MCU: variants seen among roughly 807,000 people sequenced by gnomAD.
The protein encoded by MCU is mitochondrial calcium uniporter.
MCU carries 12 observed loss-of-function variants against 45.2 expected under a neutral mutation model. The ratio of observed to expected loss-of-function variants is 0.27; its 90% CI spans 0.17 to 0.43. MCU has a LOEUF of 0.43. MCU is among the 20% of genes least tolerant of loss of function. The probability of loss-of-function intolerance (pLI) is 1.00; values close to 1 mark genes in which losing one functional copy is unlikely to be tolerated. For missense variants in MCU, 324 were observed against 436.7 expected (o/e 0.74, Z 2.30); for synonymous variants, 160 against 165.1 (o/e 0.97, Z 0.24).
In MCU at chr10:72,713,434, C is replaced by A. The variant is rs529670093; in HGVS notation, c.150+21133C>A. On this transcript the variant is annotated intron_variant, in intron 1 of 7. Coordinates refer to ENST00000373053, the MANE Select transcript of MCU (RefSeq NM_138357.3). Reference sequence around the variant, plus strand: ...AGCTGGGATTACAGGTGCCTGCCACCAGGCCCGGCTAGTTTTAGTATTTTT... The same window carrying A: ...AGCTGGGATTACAGGTGCCTGCCACAAGGCCCGGCTAGTTTTAGTATTTTT... 2.6e-5 allele frequency among the ~76,000 whole-genome samples: 4 copies of A among 152,312 alleles called. No homozygotes were observed. The East Asian group carries it at 7.7e-4, about 29-fold the overall frequency.
intron 7 of MCU, 149 bp downstream of exon 7, chr10:72,884,531 A>G (rs190521601): frequency 5.3e-6 from 3 of 568,934 alleles, no homozygotes; most frequent in East Asian, 5.5e-5. Flanking sequence ...TGATTACAGT[A>G]ACTATTTTAG....
intron 1 of MCU, among the ~76,000 whole-genome samples, chr10:72,780,511 A>AGTGT (rs60306247): frequency 0.033 from 3,606 of 110,632 alleles, 130 homozygotes; most frequent in African/African-American, 0.06. Flanking sequence ...TCTTTGGCTA[A>AGTGT]GTGTGTGTGT....
At position 72,813,450 on chromosome 10, in the gene MCU, CTTTTTTTT is replaced by C. The variant is rs71021537; in HGVS notation, c.151-20890_151-20883del. Among the ~76,000 whole-genome samples, 34 of 76,220 alleles carry C rather than the reference CTTTTTTTT, an allele frequency of 4.5e-4. 2 individuals carry two copies. In the South Asian group the frequency reaches 0.014, roughly 32 times the overall value. The allele number at this position is 76,220 out of a possible 152,430, so 50.0% of individuals were successfully genotyped here. The stretch of plus-strand genomic sequence containing the variant: ...CTGTTAATTTAAATACCAGCTCTCT[CTTTTTTTT>C]TTTTTTTTTTTTTTTTTTGAGATGG... On this transcript the variant is annotated intron_variant, in intron 1 of 7. Coordinates refer to ENST00000373053, the MANE Select transcript of MCU (RefSeq NM_138357.3).
chr10:72,696,616 A>G (rs1249612896), intron 1 of MCU, among the ~76,000 whole-genome samples: 4 of 152,040 alleles, frequency 2.6e-5, no homozygotes, highest in Admixed American at 6.6e-5. Context: ...TAAATGTTTT[A>G]TTTGTGGGCA....
Position 72,871,471 on chromosome 10 carries a change from C to T in MCU, c.752C>T (p.Ala251Val). The change falls in exon 6 of 8, where the codon GCC becomes GTC. Residue 251 changes from alanine (A) to valine (V), a missense_variant. Coordinates refer to ENST00000373053, the MANE Select transcript of MCU (RefSeq NM_138357.3). Reference sequence around the variant, plus strand: ...ATGGCCACACAGTTTGGCATTTTGGCCCGGCTTACCTGGTGGGAATATTCC... The same window carrying T: ...ATGGCCACACAGTTTGGCATTTTGGTCCGGCTTACCTGGTGGGAATATTCC... ...AYMATQFGILARLTWWEYSWD... is the reference protein window; with the variant it reads ...AYMATQFGILVRLTWWEYSWD... 6.2e-7 allele frequency: 1 copy of T among 1,614,168 alleles called. No individual in the cohort carries two copies. The highest frequency in any genetic ancestry group is 8.5e-7 in the Non-Finnish European group (1 of 1,180,020).
At chr10:72,733,761 T>C (rs968917675) in intron 1 of MCU, among the ~76,000 whole-genome samples, 1 of 150,932 alleles carries the variant, frequency 6.6e-6, no homozygotes, top group African/African-American at 2.4e-5. Flanking sequence ...ATCTACTCAG[T>C]CTTGACAAGC....
intron 1 of MCU, among the ~76,000 whole-genome samples, chr10:72,739,890 G>T (rs1050322195): frequency 1.6e-4 from 25 of 151,610 alleles, no homozygotes; most frequent in African/African-American, 5.8e-4. Context: ...TTTGCCAGCT[G>T]GTCTTGAACT....
intron 1 of MCU, among the ~76,000 whole-genome samples, chr10:72,731,860 TTGAG>T (rs1007901154): frequency 3.7e-4 from 56 of 152,200 alleles, no homozygotes; most frequent in Non-Finnish European, 5.6e-4. Context: ...TTATAGACAT[TTGAG>T]TTTTTGTTTT....
At chr10:72,818,626 G>C (rs778506089) in intron 1 of MCU, among the ~76,000 whole-genome samples, 1 of 152,118 alleles carries the variant, frequency 6.6e-6, no homozygotes, top group Non-Finnish European at 1.5e-5. Context: ...GATCACCTGA[G>C]GTCAGGAGTT....
Position 72,880,479 on chromosome 10 carries a change from G to T in MCU, c.862-3787G>T, listed in dbSNP as rs2394932. On this transcript the variant is annotated intron_variant, in intron 6 of 7. Transcript: ENST00000373053. The stretch of plus-strand genomic sequence containing the variant: ...ATAGACCACACGTAGAAGGCAAAGC[G>T]GGGGGGGGGAAACCCTAGAAATATA... Among the ~76,000 whole-genome samples, 863 of 85,952 alleles carry T rather than the reference G, an allele frequency of 0.01. 6 individuals are homozygous for T. The African/African-American group carries it at 0.17, about 17-fold the overall frequency. 56.4% of individuals were successfully genotyped at this position (85,952 alleles called of 152,430 possible).
rs1353310540 is a variant in MCU at position 72,692,301 on chromosome 10, G to A, written c.150G>A (p.Thr50=). ...ACCGGCAGCAGCAGCACCACCGGAC[G>A]GTGAGCGAGCGCGCCCGGAGGCTCC... ...SRHRQQQHHR[T]VHQRIASWQN... Residue 50 remains threonine, a splice_region_variant and synonymous_variant, in exon 1 of 8, where the codon ACG becomes ACA. Coordinates refer to ENST00000373053, the MANE Select transcript of MCU (RefSeq NM_138357.3). 8.2e-7 allele frequency: 1 copy of A among 1,217,358 alleles called. No individual in the cohort carries two copies. The highest frequency in any genetic ancestry group is 1.6e-5 in the African/African-American group (1 of 63,594). 75.4% of individuals were successfully genotyped at this position (1,217,358 alleles called of 1,614,324 possible).
rs183370910 is a variant in MCU at position 72,733,988 on chromosome 10, A to G, written c.150+41687A>G. On this transcript the variant is annotated intron_variant, in intron 1 of 7. Transcript: ENST00000373053. ...AGCTTTAAAGGGAATGTGGTCCAAG[A>G]AGGAAAGAAAAACTCCTCAGAGTAA... is the stretch of plus-strand genomic sequence containing the variant. Among the ~76,000 whole-genome samples, 490 of 152,266 alleles carry G rather than the reference A, an allele frequency of 3.2e-3. 1 individual carries two copies. The highest frequency in any genetic ancestry group is 4.6e-3 in the Non-Finnish European group (311 of 68,022).
chr10:72,717,349 T>C (rs1842967457), intron 1 of MCU, among the ~76,000 whole-genome samples: 1 of 151,746 alleles, frequency 6.6e-6, no homozygotes, highest in African/African-American at 2.4e-5. Flanking sequence ...AACCTCTACC[T>C]CCCGAGTTCA....
chr10:72,872,360 C>T (rs1465634888), intron 6 of MCU, among the ~76,000 whole-genome samples: 1 of 151,968 alleles, frequency 6.6e-6, no homozygotes, highest in Non-Finnish European at 1.5e-5. Context: ...TCCTATCTAA[C>T]TGTAATTTTG....
In MCU at chr10:72,868,874, C is replaced by T. The variant is rs1845498541; in HGVS notation, c.657+11C>T. On this transcript the variant is annotated intron_variant, in intron 5 of 7. Transcript: ENST00000373053. ...GCTCCCCTGGAAAAGGTAAAACTTC[C>T]AATCTCAGGTTTTTTACCTTAACCT... 1 of 1,610,838 alleles carries T rather than the reference C, an allele frequency of 6.2e-7. No individual in the cohort carries two copies. Among genetic ancestry groups the T allele is most frequent in the Non-Finnish European group, 8.5e-7 (1 of 1,179,038 alleles).
chr10:72,711,340 C>G (rs914065142), intron 1 of MCU, among the ~76,000 whole-genome samples: 3 of 151,428 alleles, frequency 2.0e-5, no homozygotes, highest in Admixed American at 2.0e-4. Flanking sequence ...CCTGCCTCAG[C>G]CTCCTGAGTA....
intron 1 of MCU, among the ~76,000 whole-genome samples, chr10:72,711,473 G>A (rs1297077850): frequency 3.3e-5 from 5 of 151,038 alleles, no homozygotes; most frequent in African/African-American, 4.9e-5. Flanking sequence ...TGCCTGCCTC[G>A]GCCTTCCAAA....
At position 72,701,590 on chromosome 10, in the gene MCU, G is replaced by A. The variant is rs1204450782; in HGVS notation, c.150+9289G>A. On this transcript the variant is annotated intron_variant, in intron 1 of 7. Transcript: ENST00000373053. ...CGCCCAGGCTGGAGTGCAGTGGTGCGATCTCGGCTCACTGCAAGCTCCGCC... is the reference window on the plus strand; with the variant it reads ...CGCCCAGGCTGGAGTGCAGTGGTGCAATCTCGGCTCACTGCAAGCTCCGCC... Among the ~76,000 whole-genome samples the A allele has an allele frequency of 2.0e-5, 3 of 151,978 alleles. 1 individual carries two copies. The highest frequency in any genetic ancestry group is 2.1e-4 in the South Asian group (1 of 4,822).
At chr10:72,830,204 G>T (rs999104423) in intron 1 of MCU, among the ~76,000 whole-genome samples, 1 of 152,192 alleles carries the variant, frequency 6.6e-6, no homozygotes, top group Admixed American at 6.5e-5. Context: ...GTAAGTAAAT[G>T]AATGAGCTTT....
Sources: gnomAD v4.1 joint callset for allele counts (sites outside exome capture counted in the v4.1 genomes callset) on GRCh38, gnomAD v4.1.1 for gene constraint, MANE v1.5 for transcripts, NCBI Gene and HGNC (gene_info 2026-07-23, HGNC 2026-07-21) for gene names.